The following SEL1L3 variants were observed in gnomAD, a reference collection of about 807,000 sequenced individuals.
SEL1L3 encodes the protein protein sel-1 homolog 3.
SEL1L3 carries 76 observed loss-of-function variants against 142.8 expected under a neutral mutation model. That is an observed-to-expected ratio of 0.53 (90% CI 0.44 to 0.64). The LOEUF (loss-of-function observed/expected upper bound fraction) is 0.64. SEL1L3 is among the 30% of genes least tolerant of loss of function. The pLI, the probability that SEL1L3 is intolerant of heterozygous loss-of-function variation, is 0.00. For missense variants in SEL1L3, 1,262 were observed against 1,381.7 expected (o/e 0.91, Z 1.37); for synonymous variants, 504 against 519.6 (o/e 0.97, Z 0.41).
chr4:25,823,478 C>T (rs541559974), intron 6 of SEL1L3, among the ~76,000 whole-genome samples: 60 of 152,174 alleles, frequency 3.9e-4, no homozygotes, highest in African/African-American at 1.4e-3. Flanking sequence ...TGCGCCACTG[C>T]ACTCCAACCT....
rs992351016 is a variant in SEL1L3 at position 25,835,215 on chromosome 4, T to C, written c.842A>G (p.Gln281Arg). The C allele has an allele frequency of 5.0e-6, 8 of 1,614,020 alleles. No individual in the cohort carries two copies. The highest frequency in any genetic ancestry group is 6.8e-6 in the Non-Finnish European group (8 of 1,179,878). Reference protein sequence around the residue: ...RNRELEATRRQRMDYPVFTVS... With the variant: ...RNRELEATRRRRMDYPVFTVS... The stretch of plus-strand genomic sequence containing the variant: ...TCCTTACACTGGGTAATCCATCCTC[T>C]GGCGTCGAGTGGCCTCCAGCTCTCG... The change falls in exon 3 of 24, where the codon CAG (glutamine) becomes CGG (arginine). Residue 281 changes from glutamine to arginine, a missense_variant. Transcript: ENST00000399878.
At chr4:25,737,871 A>G in the SEL1L3 span, among the ~76,000 whole-genome samples, 2 of 148,470 alleles carry the variant, frequency 1.3e-5, no homozygotes, top group South Asian at 2.2e-4. Context: ...ATAAGTTCGT[A>G]CATGTTTAAT....
At chr4:25,860,639 C>A (rs1407609938) in intron 1 of SEL1L3, 1 of 152,104 alleles carries the variant, frequency 6.6e-6, no homozygotes, top group Non-Finnish European at 1.5e-5. Flanking sequence ...CAAAATGGCT[C>A]TCTTGTTTAT....
chr4:25,863,497 T>A, upstream of SEL1L3: 1 of 702,904 alleles, frequency 1.4e-6, no homozygotes, highest in East Asian at 2.7e-5. Context: ...GGTTGCTTTT[T>A]TGGCCGGGGC....
chr4:25,833,655 CT>C, intron 3 of SEL1L3, 86 bp from the exon 4 acceptor site: 1 of 1,237,562 alleles, frequency 8.1e-7, no homozygotes, highest in South Asian at 1.6e-5. Context: ...AAGTAAATTG[CT>C]TTCTTTCCAA....
At chr4:25,762,780 C>A (rs918886867) in intron 20 of SEL1L3, among the ~76,000 whole-genome samples, 2 of 152,048 alleles carry the variant, frequency 1.3e-5, no homozygotes, top group Non-Finnish European at 2.9e-5. Context: ...GAGATGAAGA[C>A]CATCCTGCCC....
At chr4:25,747,010 C>T (rs1439934217), downstream of SEL1L3, among the ~76,000 whole-genome samples, 1 of 152,128 alleles carries the variant, frequency 6.6e-6, no homozygotes, top group East Asian at 1.9e-4. Context: ...CCTAAGATTA[C>T]TGAGCTTGTC....
intron 2 of SEL1L3, among the ~76,000 whole-genome samples, chr4:25,846,622 T>C (rs542797585): frequency 1.3e-5 from 2 of 152,134 alleles, no homozygotes; most frequent in South Asian, 2.1e-4. Context: ...TTAAAAATAA[T>C]AGAGGCCCCG....
In SEL1L3 at chr4:25,782,407, C is replaced by G; in HGVS notation, c.2292G>C (p.Gln764His). 2 of 1,612,472 alleles carry G rather than the reference C, an allele frequency of 1.2e-6. No homozygotes were observed. The highest frequency in any genetic ancestry group is 2.2e-5 in the South Asian group (2 of 90,832). ...AATACCATCCCAGGCCATTGACTGC[C>G]TGATGCAATCCCTGAATTTTGGAAC... ...MKKAASKGLH[Q>H]AVNGLGWYYH... Residue 764 changes from glutamine (Q) to histidine (H), a missense_variant, in exon 15 of 24, where the codon CAG becomes CAC. By Grantham distance (24) the Gln-to-His change is conservative. This residue lies in a region of SEL1L3 where 435 missense variants were observed against 559.2 expected (regional missense o/e 0.78). Coordinates refer to ENST00000399878, the MANE Select transcript of SEL1L3 (RefSeq NM_015187.5).
intron 9 of SEL1L3, among the ~76,000 whole-genome samples, chr4:25,807,922 C>A (rs1294722686): frequency 1.3e-5 from 2 of 152,054 alleles, no homozygotes; most frequent in Non-Finnish European, 2.9e-5. Context: ...AAAACTCCCC[C>A]CAAAATATAA....
At chr4:25,862,560 A>T in intron 1 of SEL1L3, 115 bp downstream of exon 1, 2 of 474,792 alleles carry the variant, frequency 4.2e-6, no homozygotes, top group Non-Finnish European at 6.4e-6. Context: ...GACGAGGAAG[A>T]GAGAAAACTA....
chr4:25,727,358 T>A, the SEL1L3 span, among the ~76,000 whole-genome samples: 15 of 152,164 alleles, frequency 9.9e-5, no homozygotes, highest in African/African-American at 3.6e-4. Context: ...GCCCCAAATT[T>A]CCTCTTCTAA....
chr4:25,805,093 C>A (rs1713463815), intron 9 of SEL1L3, among the ~76,000 whole-genome samples: 1 of 152,218 alleles, frequency 6.6e-6, no homozygotes, highest in Non-Finnish European at 1.5e-5. Flanking sequence ...CCTTTTCCCC[C>A]TCTAAGACTC....
intron 20 of SEL1L3, among the ~76,000 whole-genome samples, chr4:25,762,974 CAAAA>C (rs34744540): frequency 5.3e-5 from 6 of 112,884 alleles, no homozygotes; most frequent in Non-Finnish European, 7.4e-5. Context: ...GACTCTGTGT[CAAAA>C]AAAAAAAAAA....
downstream of SEL1L3, among the ~76,000 whole-genome samples, chr4:25,746,974 G>C (rs1019550619): frequency 1.3e-5 from 2 of 152,122 alleles, no homozygotes; most frequent in African/African-American, 4.8e-5. Context: ...ATGGGAATCT[G>C]AGACTTAGAG....
At chr4:25,854,643 T>C (rs1350704187) in intron 1 of SEL1L3, among the ~76,000 whole-genome samples, 1 of 152,192 alleles carries the variant, frequency 6.6e-6, no homozygotes, top group East Asian at 1.9e-4. Flanking sequence ...TATGCTTTGT[T>C]AGGAGTTCTC....
chr4:25,800,120 G>C (rs181122835), intron 11 of SEL1L3, among the ~76,000 whole-genome samples: 61 of 152,304 alleles, frequency 4.0e-4, no homozygotes, highest in Admixed American at 1.7e-3. Context: ...TGAACCACGA[G>C]TTACGCAAAA....
At chr4:25,862,300 A>AGGGGGGGG (rs1717768347) in intron 1 of SEL1L3, 2 of 20,756 alleles carry the variant, frequency 9.6e-5, no homozygotes, top group African/African-American at 2.8e-4. Context: ...GAAGCCCAGG[A>AGGGGGGGG]GGGGTGGGGG....
the SEL1L3 span, among the ~76,000 whole-genome samples, chr4:25,737,942 T>A: frequency 6.6e-6 from 1 of 151,924 alleles, no homozygotes; most frequent in African/African-American, 2.4e-5. Context: ...CAGGCTGGAG[T>A]GCAATAGCAC....
Sources: gnomAD v4.1 joint callset for allele counts (sites outside exome capture counted in the v4.1 genomes callset) on GRCh38, gnomAD v4.1.1 for gene constraint, gnomAD v4.1.1 regional missense constraint, MANE v1.5 for transcripts, NCBI Gene and HGNC (gene_info 2026-07-23, HGNC 2026-07-21) for gene names.